The following SEL1L2 variants were observed in gnomAD, a reference collection of about 807,000 sequenced individuals.
The protein encoded by SEL1L2 is SEL1L2 adaptor subunit of SYVN1 ubiquitin ligase.
A neutral mutation model predicts 98.8 loss-of-function variants in SEL1L2; 89 were observed. The ratio of observed to expected loss-of-function variants is 0.90; its 90% CI spans 0.76 to 1.07. SEL1L2 has a LOEUF of 1.07. SEL1L2 is among the 50% of genes least tolerant of loss of function. SEL1L2 has a pLI of 0.00. For missense variants in SEL1L2, 788 were observed against 812.0 expected, an observed-to-expected ratio of 0.97 and a Z score of 0.36; for synonymous variants, 262 against 278.5, an observed-to-expected ratio of 0.94 and a Z score of 0.59.
In SEL1L2 at chr20:13,964,447, A is replaced by ATTT. The variant is rs369646828; in HGVS notation, c.59-8319_59-8317dup. On this transcript the variant is annotated intron_variant, in intron 1 of 19. Coordinates refer to ENST00000284951, the MANE Select transcript of SEL1L2 (RefSeq NM_025229.2). The stretch of plus-strand genomic sequence containing the variant: ...GTGCTCTGCTATCTGCTATCTCTTC[A>ATTT]TTTTTTTTTTTTTTTTTTTTCTGAG... Among the ~76,000 whole-genome samples, 26 of 111,470 alleles carry ATTT rather than the reference A, an allele frequency of 2.3e-4. 1 individual carries two copies. Among genetic ancestry groups the ATTT allele is most frequent in the African/African-American group, 6.1e-4 (17 of 27,778 alleles). The allele number at this position is 111,470 out of a possible 152,430, so 73.1% of individuals were successfully genotyped here.
intron 2 of SEL1L2, among the ~76,000 whole-genome samples, chr20:13,939,440 T>C (rs1390149751): frequency 6.6e-6 from 1 of 152,198 alleles, no homozygotes; most frequent in African/African-American, 2.4e-5. Context: ...ACTAATTTCT[T>C]TCAAAGACAC....
chr20:13,955,544 G>C (rs1401515990), intron 2 of SEL1L2, among the ~76,000 whole-genome samples: 1 of 152,122 alleles, frequency 6.6e-6, no homozygotes, highest in East Asian at 1.9e-4. Flanking sequence ...CAAGACCATA[G>C]AGCCTAATAA....
intron 5 of SEL1L2, among the ~76,000 whole-genome samples, chr20:13,899,234 T>C (rs949227450): frequency 6.6e-6 from 1 of 152,144 alleles, no homozygotes; most frequent in African/African-American, 2.4e-5. Flanking sequence ...AACAATGTAA[T>C]GAATTGTGGT....
At chr20:13,851,635 G>T (rs981629475) in intron 18 of SEL1L2, among the ~76,000 whole-genome samples, 1 of 151,680 alleles carries the variant, frequency 6.6e-6, no homozygotes, top group Admixed American at 6.6e-5. Context: ...TGCCCAAACA[G>T]AGTGACCGTA....
intron 12 of SEL1L2, among the ~76,000 whole-genome samples, chr20:13,875,715 T>C (rs968962933): frequency 6.6e-6 from 1 of 152,214 alleles, no homozygotes; most frequent in African/African-American, 2.4e-5. Context: ...TCATCTCTTT[T>C]GTTTCCTGTT....
At chr20:13,949,253 T>C (rs2148411571) in intron 2 of SEL1L2, among the ~76,000 whole-genome samples, 1 of 152,304 alleles carries the variant, frequency 6.6e-6, no homozygotes, top group East Asian at 1.9e-4. Context: ...CCAAAGAGGA[T>C]ATGCAAATGG....
At chr20:13,876,308 C>G (rs1240291889) in intron 11 of SEL1L2, among the ~76,000 whole-genome samples, 193 bp from the exon 12 acceptor site, 1 of 151,102 alleles carries the variant, frequency 6.6e-6, no homozygotes, top group African/African-American at 2.4e-5. Flanking sequence ...CAATTTAAAA[C>G]AAGAAAAAGT....
intron 10 of SEL1L2, among the ~76,000 whole-genome samples, chr20:13,878,301 A>G (rs1600570588): frequency 1.0e-5 from 1 of 98,702 alleles, no homozygotes; most frequent in African/African-American, 3.8e-5. Context: ...GTGGTATGAA[A>G]CCGCTCTTTT....
intron 10 of SEL1L2, among the ~76,000 whole-genome samples, chr20:13,883,602 C>T (rs2046812662): frequency 6.6e-6 from 1 of 152,230 alleles, no homozygotes; most frequent in South Asian, 2.1e-4. Context: ...TGGCTGGGCT[C>T]CTGGGTGACA....
At position 13,862,497 on chromosome 20, in the gene SEL1L2, C is replaced by T. The variant is rs1312401378; in HGVS notation, c.1645+2670G>A. Among the ~76,000 whole-genome samples the T allele has an allele frequency of 4.6e-5, 7 of 152,102 alleles. No homozygotes were observed. The East Asian group carries it at 1.3e-3, about 29-fold the overall frequency. Reference sequence around the variant, plus strand: ...AGCATTAAGTGATATAGGACTCCTTCCAAAATTTTCTCATTTGGCCCTAAT... The same window carrying T: ...AGCATTAAGTGATATAGGACTCCTTTCAAAATTTTCTCATTTGGCCCTAAT... On this transcript the variant is annotated intron_variant, in intron 17 of 19. Transcript: ENST00000284951.
intron 2 of SEL1L2, 23 bp downstream of exon 2, chr20:13,956,052 GT>G (rs773390115): frequency 7.2e-7 from 1 of 1,389,380 alleles, no homozygotes; most frequent in South Asian, 1.2e-5. Context: ...ATTAAAAAAT[GT>G]AAAGATTTAG....
At chr20:13,878,245 T>C (rs2046526644) in intron 10 of SEL1L2, among the ~76,000 whole-genome samples, 1 of 151,610 alleles carries the variant, frequency 6.6e-6, no homozygotes, top group South Asian at 2.1e-4. Flanking sequence ...GGAAAGCCCC[T>C]CCTTGGAAAC....
intron 12 of SEL1L2, among the ~76,000 whole-genome samples, chr20:13,872,290 G>C (rs1300060388): frequency 6.6e-6 from 1 of 152,128 alleles, no homozygotes; most frequent in Non-Finnish European, 1.5e-5. Flanking sequence ...TAATCCCCAT[G>C]CATCATGGGA....
chr20:13,859,415 T>C lies in SEL1L2; in HGVS notation c.1665A>G (p.Val555=). Residue 555 remains valine (V), a synonymous_variant, in exon 18 of 20, where the codon GTA becomes GTG. Coordinates refer to ENST00000284951, the MANE Select transcript of SEL1L2 (RefSeq NM_025229.2). ...AAIQGNAFAR[V]KIGDYHYYGY... is the part of the protein sequence containing the mutation. ...CATAGTAATGGTAATCTCCAATTTT[T>C]ACTCTAGCAAATGCATTGCCTGATA... 1 of 1,613,890 alleles carries C rather than the reference T, an allele frequency of 6.2e-7. No individual in the cohort carries two copies. The highest frequency in any genetic ancestry group is 8.5e-7 in the Non-Finnish European group (1 of 1,179,800).
At chr20:13,882,978 G>T (rs1282713253) in intron 10 of SEL1L2, among the ~76,000 whole-genome samples, 1 of 151,806 alleles carries the variant, frequency 6.6e-6, no homozygotes, top group East Asian at 1.9e-4. Context: ...CACTACGCCC[G>T]GCTAATTTTT....
chr20:13,957,833 C>A (rs1019267941), intron 1 of SEL1L2, among the ~76,000 whole-genome samples: 2 of 152,092 alleles, frequency 1.3e-5, no homozygotes, highest in African/African-American at 4.8e-5. Context: ...GCAGAAATTG[C>A]GCCACTGTAC....
chr20:13,865,399 T>C lies in SEL1L2; in HGVS notation c.1520A>G (p.Glu507Gly). Residue 507 changes from glutamate to glycine, a missense_variant, in exon 16 of 20, where the codon GAA (glutamate) becomes GGA (glycine). Coordinates refer to ENST00000284951, the MANE Select transcript of SEL1L2 (RefSeq NM_025229.2). ...SSLVQYALLAEMGYEVAQSNS... is the reference protein window; with the variant it reads ...SSLVQYALLAGMGYEVAQSNS... ...GCTTTGAGCTACTTCATACCCCATT[T>C]CTGCAAGCAGTGCATACTGAACAAG... 1 of 1,614,160 alleles carries C rather than the reference T, an allele frequency of 6.2e-7. No individual in the cohort carries two copies. Among genetic ancestry groups the C allele is most frequent in the South Asian group, 1.1e-5 (1 of 91,090 alleles).
intron 5 of SEL1L2, among the ~76,000 whole-genome samples, chr20:13,901,949 C>T (rs575002316): frequency 1.3e-5 from 2 of 152,294 alleles, no homozygotes; most frequent in East Asian, 3.9e-4. Flanking sequence ...AGCCATGAGC[C>T]ACTGCCCCTG....
chr20:13,986,598 AT>A (rs1385958628), intron 1 of SEL1L2, among the ~76,000 whole-genome samples: 1 of 152,192 alleles, frequency 6.6e-6, no homozygotes, highest in Non-Finnish European at 1.5e-5. Flanking sequence ...GCTGAGTAAT[AT>A]TCCATTGTAT....
Sources: gnomAD v4.1 joint callset for allele counts (sites outside exome capture counted in the v4.1 genomes callset) on GRCh38, gnomAD v4.1.1 for gene constraint, MANE v1.5 for transcripts, NCBI Gene and HGNC (gene_info 2026-07-23, HGNC 2026-07-21) for gene names.